The following SEMA6D variants were observed in gnomAD, a reference collection of about 807,000 sequenced individuals.
The protein encoded by SEMA6D is semaphorin 6D, also known as semaphorin-6D.
SEMA6D carries 35 observed loss-of-function variants against 106.6 expected under a neutral mutation model. The observed-to-expected ratio is 0.33, with a 90% confidence interval of 0.25 to 0.44. The LOEUF is 0.44. SEMA6D is among the 20% of genes least tolerant of loss of function. The pLI, the probability that SEMA6D is intolerant of heterozygous loss-of-function variation, is 1.00. For missense variants in SEMA6D, 1,185 were observed against 1,345.9 expected (o/e 0.88, Z 1.87); for synonymous variants, 499 against 487.7 (o/e 1.02, Z -0.31).
At chr15:47,521,581 T>A (rs925349419) in intron 3 of SEMA6D, among the ~76,000 whole-genome samples, 1 of 152,196 alleles carries the variant, frequency 6.6e-6, no homozygotes, top group Non-Finnish European at 1.5e-5. Context: ...GGAATTTCCT[T>A]CTTTTTGACT....
intron 1 of SEMA6D, among the ~76,000 whole-genome samples, chr15:47,271,330 A>T (rs947252279): frequency 2.0e-5 from 3 of 152,178 alleles, no homozygotes; most frequent in African/African-American, 7.2e-5. Flanking sequence ...AAGTCTTATG[A>T]GAGCCGTGCG....
At chr15:47,354,897 A>G (rs928706481) in intron 1 of SEMA6D, among the ~76,000 whole-genome samples, 5 of 152,184 alleles carry the variant, frequency 3.3e-5, no homozygotes, top group African/African-American at 9.6e-5. Flanking sequence ...CTTCAGCCCT[A>G]CGGGACAAAA....
intron 1 of SEMA6D, among the ~76,000 whole-genome samples, chr15:47,388,479 T>C (rs1321399496): frequency 2.6e-5 from 4 of 152,202 alleles, no homozygotes; most frequent in African/African-American, 9.7e-5. Context: ...AGCTCCATCC[T>C]GCCCAGGACT....
chr15:47,194,328 C>G (rs17355650), intron 1 of SEMA6D, among the ~76,000 whole-genome samples: 33,214 of 152,014 alleles, frequency 0.22, 3,927 homozygotes, highest in Non-Finnish European at 0.26. Flanking sequence ...AAATGCTTGT[C>G]AAAACACCGG....
intron 1 of SEMA6D, among the ~76,000 whole-genome samples, chr15:47,403,613 G>A (rs1225964082): frequency 2.0e-5 from 3 of 152,174 alleles, no homozygotes; most frequent in African/African-American, 7.2e-5. Context: ...TACATTGGTG[G>A]CACAGAGGAG....
At chr15:47,752,490 C>T (rs11070610) in intron 1 of SEMA6D, among the ~76,000 whole-genome samples, 32,099 of 152,022 alleles carry the variant, frequency 0.21, 3,838 homozygotes, top group Non-Finnish European at 0.26. Context: ...CTTTCAGTGC[C>T]AGTGAAGAGC....
chr15:47,417,854 C>G (rs1191822686), intron 2 of SEMA6D, among the ~76,000 whole-genome samples: 1 of 151,340 alleles, frequency 6.6e-6, no homozygotes, highest in African/African-American at 2.4e-5. Context: ...ATTCATTGAA[C>G]AAATTATCGA....
At chr15:47,744,925 G>T (rs369553823) in intron 1 of SEMA6D, among the ~76,000 whole-genome samples, 1 of 152,132 alleles carries the variant, frequency 6.6e-6, no homozygotes, top group African/African-American at 2.4e-5. Context: ...GATCACCTGC[G>T]TTCTCATTGT....
intron 1 of SEMA6D, chr15:47,393,338 G>A (rs1173505745): frequency 6.6e-6 from 1 of 152,204 alleles, no homozygotes; most frequent in African/African-American, 2.4e-5. Context: ...ACCTTGATGG[G>A]AAACCAAATA....
rs372827932 is a variant in SEMA6D at position 47,770,778 on chromosome 15, A to G, written c.2215A>G (p.Ser739Gly). 8.1e-6 allele frequency: 13 copies of G among 1,614,128 alleles called. No individual in the cohort carries two copies. The African/African-American group carries it at 1.6e-4, about 20-fold the overall frequency. ...GAATATTGATTCTCCTAAACTGTAT[A>G]GTAACCTGCTAACCAGTCGGAAAGA... is the stretch of plus-strand genomic sequence containing the variant. ...QQNIDSPKLY[S>G]NLLTSRKELP... is the part of the protein sequence containing the mutation. Residue 739 changes from serine to glycine, a missense_variant, in exon 19 of 19, where the codon AGT becomes GGT. Physicochemically the swap from Ser to Gly is moderately conservative, Grantham distance 56 (BLOSUM62 0). Coordinates refer to ENST00000536845, the MANE Select transcript of SEMA6D (RefSeq NM_001358351.3).
At chr15:47,432,427 C>A (rs1350664625) in intron 2 of SEMA6D, among the ~76,000 whole-genome samples, 1 of 152,008 alleles carries the variant, frequency 6.6e-6, no homozygotes, top group South Asian at 2.1e-4. Context: ...CTGATTCTTT[C>A]TCTCCTTCTC....
At chr15:47,515,366 G>A (rs770491459) in intron 3 of SEMA6D, among the ~76,000 whole-genome samples, 1 of 152,142 alleles carries the variant, frequency 6.6e-6, no homozygotes, top group African/African-American at 2.4e-5. Context: ...TATTATGCCT[G>A]TTTTTATCAT....
intron 3 of SEMA6D, among the ~76,000 whole-genome samples, chr15:47,581,603 A>G (rs368324630): frequency 6.6e-6 from 1 of 152,314 alleles, no homozygotes; most frequent in South Asian, 2.1e-4. Context: ...TTGTGGGGGT[A>G]AGGGACGCAA....
chr15:47,476,777 T>C (rs1484174166), intron 3 of SEMA6D, among the ~76,000 whole-genome samples: 1 of 152,184 alleles, frequency 6.6e-6, no homozygotes, highest in Non-Finnish European at 1.5e-5. Flanking sequence ...TTTTCTCCAA[T>C]TCCTAGACTT....
chr15:47,312,121 A>G (rs1595704958), intron 1 of SEMA6D, among the ~76,000 whole-genome samples: 1 of 143,014 alleles, frequency 7.0e-6, no homozygotes, highest in Admixed American at 7.2e-5. Context: ...GACAGTATTC[A>G]TTTTTGCTTA....
chr15:47,613,938 C>T (rs1302832962), intron 4 of SEMA6D, among the ~76,000 whole-genome samples: 1 of 152,124 alleles, frequency 6.6e-6, no homozygotes, highest in African/African-American at 2.4e-5. Flanking sequence ...TGAGCCACCG[C>T]GCCCAGCCAC....
intron 1 of SEMA6D, among the ~76,000 whole-genome samples, chr15:47,301,836 C>T (rs12915095): frequency 0.52 from 79,691 of 152,030 alleles, 21,885 homozygotes; most frequent in East Asian, 0.75. Flanking sequence ...ATTTGCATGG[C>T]GAGTTCAAGA....
chr15:47,563,409 T>A (rs2046136336), intron 3 of SEMA6D, among the ~76,000 whole-genome samples: 1 of 152,184 alleles, frequency 6.6e-6, no homozygotes, highest in African/African-American at 2.4e-5. Flanking sequence ...TCAGGAATAA[T>A]AATTTGTTAA....
At chr15:47,461,697 A>G (rs2042516507) in intron 2 of SEMA6D, among the ~76,000 whole-genome samples, 1 of 152,048 alleles carries the variant, frequency 6.6e-6, no homozygotes, top group South Asian at 2.1e-4. Context: ...GAGTCATTCT[A>G]TTTGGAATGG....
Sources: allele counts gnomAD v4.1 joint callset (sites outside exome capture counted in the v4.1 genomes callset), GRCh38; gene constraint gnomAD v4.1.1; transcripts MANE v1.5; gene names NCBI Gene and HGNC (gene_info 2026-07-23, HGNC 2026-07-21).